The following CCDC102B variants were observed in gnomAD, a reference collection of about 807,000 sequenced individuals.
CCDC102B encodes coiled-coil domain containing 102B, also known as coiled-coil domain-containing protein 102B.
A neutral mutation model predicts 57.4 loss-of-function variants in CCDC102B; 75 were observed. That is an observed-to-expected ratio of 1.31 (90% CI 1.08 to 1.58). The LOEUF (loss-of-function observed/expected upper bound fraction) is 1.58, where lower values mean the gene tolerates loss of function less well. Among genes scored for constraint, CCDC102B ranks in the 40% most tolerant of loss-of-function variants. The pLI is 0.00. For synonymous variants in CCDC102B, 206 were observed against 201.9 expected (o/e 1.02, Z -0.17); for missense variants, 636 against 582.6 (o/e 1.09, Z -0.94).
chr18:68,786,314 T>A (rs1470479181), intron 2 of CCDC102B, among the ~76,000 whole-genome samples: 1 of 150,272 alleles, frequency 6.7e-6, no homozygotes, highest in East Asian at 2.0e-4. Flanking sequence ...ATGCGGGCTC[T>A]TTTTTGGTTC....
In CCDC102B at chr18:69,011,279, A is replaced by G. The variant is rs930163; in HGVS notation, c.1434+175A>G. On this transcript the variant is annotated intron_variant, in intron 7 of 7. Coordinates refer to ENST00000360242, the MANE Select transcript of CCDC102B (RefSeq NM_024781.3). ...AAATAAGATTACACAGACAATGTGC[A>G]CATGTTTGTGGCGGTAATAGTATAT... is the stretch of plus-strand genomic sequence containing the variant. The G allele has an allele frequency of 1, 620,424 of 622,756 alleles. 309,099 individuals carry two copies. Among genetic ancestry groups the G allele is most frequent in the East Asian group, 1 (36,099 of 36,100 alleles). 38.6% of individuals were successfully genotyped at this position (622,756 alleles called of 1,614,324 possible).
chr18:68,848,673 T>A (rs895423796), intron 4 of CCDC102B, among the ~76,000 whole-genome samples: 1 of 152,104 alleles, frequency 6.6e-6, no homozygotes, highest in African/African-American at 2.4e-5. Flanking sequence ...TTACTCAGCT[T>A]TTCCTTTGCA....
intron 4 of CCDC102B, among the ~76,000 whole-genome samples, chr18:68,869,679 C>T (rs1197515507): frequency 2.6e-5 from 4 of 152,190 alleles, no homozygotes; most frequent in Non-Finnish European, 5.9e-5. Flanking sequence ...GTTGCCTGTT[C>T]ACTCTGATGA....
intron 2 of CCDC102B, among the ~76,000 whole-genome samples, chr18:68,750,842 T>C (rs2033819883): frequency 6.6e-6 from 1 of 150,980 alleles, no homozygotes; most frequent in African/African-American, 2.4e-5. Flanking sequence ...AAGATATACC[T>C]AATGTAAATG....
intron 2 of CCDC102B, among the ~76,000 whole-genome samples, chr18:68,720,181 T>C (rs1316904078): frequency 6.6e-6 from 1 of 152,226 alleles, no homozygotes; most frequent in Non-Finnish European, 1.5e-5. Flanking sequence ...CATGTTGTGC[T>C]GTAAAGGTTA....
chr18:68,791,480 A>G (rs561630519), intron 2 of CCDC102B, among the ~76,000 whole-genome samples: 33 of 152,154 alleles, frequency 2.2e-4, no homozygotes, highest in African/African-American at 7.5e-4. Context: ...AAAATTAATT[A>G]TACACTGTAA....
chr18:68,895,658 G>A (rs2156062), intron 5 of CCDC102B, among the ~76,000 whole-genome samples: 71,481 of 151,394 alleles, frequency 0.47, 17,364 homozygotes, highest in East Asian at 0.72. Context: ...ATTTTGAGTA[G>A]TTGACCCTCT....
chr18:68,924,971 T>C (rs1258811638), intron 6 of CCDC102B, among the ~76,000 whole-genome samples: 2 of 151,982 alleles, frequency 1.3e-5, no homozygotes, highest in Non-Finnish European at 2.9e-5. Flanking sequence ...AGTATCTGCA[T>C]CTCTCACAAG....
intron 6 of CCDC102B, among the ~76,000 whole-genome samples, chr18:68,909,983 A>G (rs1021902823): frequency 2.6e-5 from 4 of 152,328 alleles, no homozygotes; most frequent in Middle Eastern, 3.4e-3. Context: ...ATGACCTTTT[A>G]TGAAATGGTT....
intron 1 of CCDC102B, among the ~76,000 whole-genome samples, chr18:68,829,274 T>G (rs1198716281): frequency 6.6e-6 from 1 of 152,040 alleles, no homozygotes; most frequent in Non-Finnish European, 1.5e-5. Flanking sequence ...GCTTTTTGCT[T>G]TAGTAAGAAC....
At chr18:68,843,937 A>T (rs185332610) in intron 3 of CCDC102B, among the ~76,000 whole-genome samples, 19 of 151,278 alleles carry the variant, frequency 1.3e-4, no homozygotes, top group African/African-American at 4.4e-4. Context: ...GCTGGCAGAG[A>T]CACAAAAGTT....
chr18:68,787,222 C>T (rs368161319), intron 2 of CCDC102B, among the ~76,000 whole-genome samples: 5,958 of 145,302 alleles, frequency 0.041, 166 homozygotes, highest in African/African-American at 0.1. Flanking sequence ...CTGCTGGATT[C>T]GGTTTGCCAG....
intron 6 of CCDC102B, among the ~76,000 whole-genome samples, chr18:68,913,305 A>AGTGTGTGT (rs1191988172): frequency 6.8e-5 from 2 of 29,546 alleles, no homozygotes; most frequent in Admixed American, 4.0e-4. Context: ...TTGGATGGTT[A>AGTGTGTGT]GTGTCTGTGT....
chr18:68,734,160 T>C (rs2033022440), intron 2 of CCDC102B, among the ~76,000 whole-genome samples: 3 of 152,200 alleles, frequency 2.0e-5, no homozygotes, highest in Non-Finnish European at 1.5e-5. Flanking sequence ...TAATGGTTGC[T>C]ATAGAAGCAA....
chr18:68,737,326 A>G (rs948027719), intron 2 of CCDC102B, among the ~76,000 whole-genome samples: 1 of 152,030 alleles, frequency 6.6e-6, no homozygotes, highest in African/African-American at 2.4e-5. Flanking sequence ...TGAGAAAACT[A>G]TGAGGAAGGC....
chr18:69,012,774 G>A (rs990038733), intron 7 of CCDC102B, among the ~76,000 whole-genome samples: 2 of 152,130 alleles, frequency 1.3e-5, no homozygotes, highest in African/African-American at 2.4e-5. Flanking sequence ...ATCTATATGG[G>A]TAGAAAGTCG....
At chr18:68,818,063 A>G (rs7232325) in intron 1 of CCDC102B, among the ~76,000 whole-genome samples, 65,466 of 151,806 alleles carry the variant, frequency 0.43, 15,382 homozygotes, top group East Asian at 0.86. Flanking sequence ...CAAAATCTCC[A>G]TATTAAACTA....
Position 68,911,751 on chromosome 18 carries a change from C to CAAAAAAAAAAA in CCDC102B, c.1263+14337_1263+14347dup, listed in dbSNP as rs74175338. Among the ~76,000 whole-genome samples the CAAAAAAAAAAA allele has an allele frequency of 1.9e-3, 34 of 18,006 alleles. 5 individuals are homozygous for CAAAAAAAAAAA. The highest frequency in any genetic ancestry group is 2.8e-3 in the African/African-American group (15 of 5,348). The allele number at this position is 18,006 out of a possible 152,430, so 11.8% of individuals were successfully genotyped here. A position where few individuals can be genotyped will look rare whatever the true frequency, so the allele number is the denominator to read the frequency against. ...TGGGCGACAGAGCGAGACTCCGTCT[C>CAAAAAAAAAAA]AAAAAAAAAAAAAAAAAAAAAAAAG... On this transcript the variant is annotated intron_variant, in intron 6 of 7. Coordinates refer to ENST00000360242, the MANE Select transcript of CCDC102B (RefSeq NM_024781.3).
At chr18:68,880,108 G>C (rs1196169533) in intron 5 of CCDC102B, among the ~76,000 whole-genome samples, 2 of 152,202 alleles carry the variant, frequency 1.3e-5, no homozygotes, top group African/African-American at 4.8e-5. Context: ...GAAGGCTCAG[G>C]CATGGCGGGC....
Sources: allele counts gnomAD v4.1 joint callset (sites outside exome capture counted in the v4.1 genomes callset), GRCh38; gene constraint gnomAD v4.1.1; transcripts MANE v1.5; gene names NCBI Gene and HGNC (gene_info 2026-07-23, HGNC 2026-07-21).